Variants in TOPAZ1 observed in about 807,000 individuals in gnomAD.
The protein encoded by TOPAZ1 is testis and ovary specific TOPAZ 1.
Under a neutral mutation model 172.2 loss-of-function variants are expected in TOPAZ1, and 66 were observed. That is an observed-to-expected ratio of 0.38 (90% CI 0.31 to 0.47). TOPAZ1 has a LOEUF of 0.47. Among genes scored for constraint, TOPAZ1 ranks in the 20% least tolerant of loss-of-function variants. The probability of loss-of-function intolerance (pLI) is 0.99; values close to 1 mark genes in which losing one functional copy is unlikely to be tolerated. For synonymous variants in TOPAZ1, 681 were observed against 683.9 expected (o/e 1.00, Z 0.07); for missense variants, 1,822 against 1,972.4 (o/e 0.92, Z 1.44).
chr3:44,271,032 A>G (rs1196886389), intron 8 of TOPAZ1, among the ~76,000 whole-genome samples: 1 of 152,202 alleles, frequency 6.6e-6, no homozygotes, highest in East Asian at 1.9e-4. Context: ...GTCCTATAAT[A>G]GTTAATATTC....
At chr3:44,291,347 A>C (rs2125694348) in intron 12 of TOPAZ1, among the ~76,000 whole-genome samples, 1 of 151,656 alleles carries the variant, frequency 6.6e-6, no homozygotes, top group Admixed American at 6.6e-5. Flanking sequence ...TCACGCCTGT[A>C]ATCCCAGCAC....
intron 14 of TOPAZ1, among the ~76,000 whole-genome samples, chr3:44,305,885 C>G (rs982042870): frequency 4.6e-5 from 7 of 152,052 alleles, no homozygotes; most frequent in African/African-American, 1.7e-4. Flanking sequence ...TCTTATTTTT[C>G]TTTTCACTCA....
chr3:44,294,426 A>T (rs1462261665), intron 12 of TOPAZ1, among the ~76,000 whole-genome samples: 1 of 152,184 alleles, frequency 6.6e-6, no homozygotes, highest in Admixed American at 6.5e-5. Flanking sequence ...AAAGAAAAAA[A>T]AGTAGTATGT....
At chr3:44,246,398 C>T (rs1016633282) in intron 2 of TOPAZ1, among the ~76,000 whole-genome samples, 4 of 152,106 alleles carry the variant, frequency 2.6e-5, no homozygotes, top group African/African-American at 9.7e-5. Flanking sequence ...CATTAAGATT[C>T]AGTGGTACAT....
intron 17 of TOPAZ1, 71 bp from the exon 18 acceptor site, chr3:44,323,021 A>C (rs911300110): frequency 2.0e-6 from 2 of 1,014,432 alleles, no homozygotes; most frequent in African/African-American, 1.6e-5. Context: ...AGAAAGAAAA[A>C]GGAGTATGAG....
At chr3:44,315,219 G>C (rs968422752) in intron 16 of TOPAZ1, among the ~76,000 whole-genome samples, 2 of 120,300 alleles carry the variant, frequency 1.7e-5, no homozygotes, top group African/African-American at 5.6e-5. Context: ...GTGTGTGTGT[G>C]TGTGTGTGTT....
chr3:44,275,058 A>C (rs1699938740), intron 8 of TOPAZ1, among the ~76,000 whole-genome samples: 1 of 151,892 alleles, frequency 6.6e-6, no homozygotes, highest in African/African-American at 2.4e-5. Context: ...ATTATTATAC[A>C]TCCATACAGT....
Position 44,242,988 on chromosome 3 carries a change from G to C in TOPAZ1, c.482G>C (p.Ser161Thr). The C allele has an allele frequency of 1.3e-6, 2 of 1,550,178 alleles. No individual in the cohort carries two copies. The highest frequency in any genetic ancestry group is 1.2e-5 in the South Asian group (1 of 83,316). Residue 161 changes from serine (S) to threonine (T), a missense_variant, in exon 2 of 20, where the codon AGT becomes ACT. Ser to Thr is a moderately conservative substitution (Grantham distance 58). Transcript: ENST00000309765. ...VECLQSLGKE[S>T]IIEGIKRRIR... The stretch of plus-strand genomic sequence containing the variant: ...TGCTTGCAGTCTTTGGGTAAGGAAA[G>C]TATAATAGAAGGTATTAAAAGAAGA...
In TOPAZ1 at chr3:44,242,244, A is replaced by G. The variant is rs1396877453; in HGVS notation, c.191A>G (p.Glu64Gly). 6 of 1,547,444 alleles carry G rather than the reference A, an allele frequency of 3.9e-6. No individual in the cohort carries two copies. The Admixed American group carries it at 1.0e-4, about 26-fold the overall frequency. Residue 64 changes from glutamate to glycine, a missense_variant, in exon 1 of 20, where the codon GAA becomes GGA. Physicochemically the swap from Glu to Gly is moderately conservative, Grantham distance 98 (BLOSUM62 -2). This residue lies in a region of TOPAZ1 where 1,489 missense variants were observed against 1,490.8 expected (regional missense o/e 1.00). Coordinates refer to ENST00000309765, the MANE Select transcript of TOPAZ1 (RefSeq NM_001145030.2). ...ARATPGRGEV[E>G]SDKSVAASGA... ...GCCACCCCTGGGAGAGGCGAGGTGG[A>G]AAGTGATAAGTCGGTTGCAGCATCA... is the stretch of plus-strand genomic sequence containing the variant.
At chr3:44,257,334 CAAAA>C (rs879720784) in intron 4 of TOPAZ1, among the ~76,000 whole-genome samples, 4 of 138,880 alleles carry the variant, frequency 2.9e-5, no homozygotes, top group Admixed American at 7.3e-5. Flanking sequence ...AGACCTGTCT[CAAAA>C]AAGAAAACAT....
intron 6 of TOPAZ1, 58 bp downstream of exon 6, chr3:44,267,194 G>A: frequency 7.5e-7 from 1 of 1,329,972 alleles, no homozygotes; most frequent in East Asian, 2.9e-5. Context: ...GAAACTAGGA[G>A]ATTTTTCTAC....
chr3:44,246,915 TA>T (rs1325387835), intron 2 of TOPAZ1, among the ~76,000 whole-genome samples: 2 of 152,192 alleles, frequency 1.3e-5, no homozygotes, highest in African/African-American at 2.4e-5. Flanking sequence ...AAAATCAGAG[TA>T]AATTCTGCAT....
intron 16 of TOPAZ1, among the ~76,000 whole-genome samples, chr3:44,320,605 AAAAAG>A (rs542131667): frequency 4.3e-4 from 66 of 152,334 alleles, no homozygotes; most frequent in Middle Eastern, 3.4e-3. Context: ...TCCATCTCAA[AAAAAG>A]AAAAGAAAAG....
chr3:44,323,981 A>C (rs975496615), intron 18 of TOPAZ1, among the ~76,000 whole-genome samples: 2 of 152,220 alleles, frequency 1.3e-5, no homozygotes, highest in Non-Finnish European at 2.9e-5. Flanking sequence ...TATCATGTAT[A>C]TAACAAATAT....
At chr3:44,322,527 G>GT (rs1307947639) in intron 17 of TOPAZ1, among the ~76,000 whole-genome samples, 1 of 152,134 alleles carries the variant, frequency 6.6e-6, no homozygotes, top group Non-Finnish European at 1.5e-5. Context: ...GAAGTTAATG[G>GT]TTTTTCTTTT....
chr3:44,254,844 C>G lies in TOPAZ1; in HGVS notation c.2766-124C>G, dbSNP rs538830222. Reference sequence around the variant, plus strand: ...TCTGTGTCTCATTATAGTAAGTACTCTGCCCTGGAGGACTTGAGCTGATGT... The same window carrying G: ...TCTGTGTCTCATTATAGTAAGTACTGTGCCCTGGAGGACTTGAGCTGATGT... On this transcript the variant is annotated intron_variant, in intron 2 of 19. Coordinates refer to ENST00000309765, the MANE Select transcript of TOPAZ1 (RefSeq NM_001145030.2). 93 of 599,404 alleles carry G rather than the reference C, an allele frequency of 1.6e-4. 2 individuals are homozygous for G. The South Asian group carries it at 2.3e-3, about 15-fold the overall frequency. The allele number at this position is 599,404 out of a possible 1,614,324, so 37.1% of individuals were successfully genotyped here. A position where few individuals can be genotyped will look rare whatever the true frequency, so the allele number is the denominator to read the frequency against.
chr3:44,262,578 T>G lies in TOPAZ1; in HGVS notation c.3020+95T>G, dbSNP rs554876402. ...TTTTATTCTCTGCTGTTTATATGCTTGGGCTATATGCCATAAGCCATATAT... is the reference window on the plus strand; with the variant it reads ...TTTTATTCTCTGCTGTTTATATGCTGGGGCTATATGCCATAAGCCATATAT... On this transcript the variant is annotated intron_variant, in intron 5 of 19. Coordinates refer to ENST00000309765, the MANE Select transcript of TOPAZ1 (RefSeq NM_001145030.2). The G allele has an allele frequency of 5.0e-5, 30 of 605,798 alleles. No homozygotes were observed. In the East Asian group the frequency reaches 9.2e-4, roughly 19 times the overall value. The allele number at this position is 605,798 out of a possible 1,614,324, so 37.5% of individuals were successfully genotyped here.
chr3:44,314,227 A>C (rs889855568), intron 16 of TOPAZ1, among the ~76,000 whole-genome samples: 3 of 152,022 alleles, frequency 2.0e-5, no homozygotes, highest in Non-Finnish European at 2.9e-5. Flanking sequence ...GCACCCGGCC[A>C]ACTTTGCATT....
chr3:44,268,632 G>A (rs1258372391), intron 6 of TOPAZ1, among the ~76,000 whole-genome samples: 3 of 151,946 alleles, frequency 2.0e-5, no homozygotes, highest in South Asian at 2.1e-4. Context: ...ATCTGCCCAC[G>A]TGGGCCTCCC....
Sources: allele counts gnomAD v4.1 joint callset (sites outside exome capture counted in the v4.1 genomes callset), GRCh38; gene constraint gnomAD v4.1.1; regional missense constraint gnomAD v4.1.1; transcripts MANE v1.5; gene names NCBI Gene and HGNC (gene_info 2026-07-23, HGNC 2026-07-21).